Variants in CTNND2 observed in about 807,000 individuals in gnomAD.
CTNND2 encodes the protein catenin delta 2, also known as catenin delta-2.
A neutral mutation model predicts 144.4 loss-of-function variants in CTNND2; 22 were observed. The observed-to-expected ratio is 0.15, with a 90% CI of 0.11 to 0.22. The LOEUF (loss-of-function observed/expected upper bound fraction) is 0.22, where lower values mean the gene tolerates loss of function less well. Ranked by LOEUF, CTNND2 falls within the 10% of genes least tolerant of loss-of-function variation. CTNND2 has a pLI of 1.00. For missense variants in CTNND2, 1,353 were observed against 1,618.8 expected (o/e 0.84, Z 2.82); for synonymous variants, 751 against 695.6 (o/e 1.08, Z -1.25).
chr5:11,712,206 G>A (rs1017655670), intron 2 of CTNND2, among the ~76,000 whole-genome samples: 11 of 152,048 alleles, frequency 7.2e-5, no homozygotes, highest in African/African-American at 2.7e-4. Context: ...TAACTCAACA[G>A]GGAGAAAAAG....
chr5:11,518,823 G>A (rs1208945678), intron 3 of CTNND2, among the ~76,000 whole-genome samples: 1 of 152,144 alleles, frequency 6.6e-6, no homozygotes, highest in Non-Finnish European at 1.5e-5. Flanking sequence ...CTAGGTCTGT[G>A]TAGGTACACT....
chr5:11,279,189 C>T (rs1181332394), intron 9 of CTNND2, among the ~76,000 whole-genome samples: 2 of 152,098 alleles, frequency 1.3e-5, no homozygotes, highest in Admixed American at 6.5e-5. Context: ...AACACCAATC[C>T]AGAACCGTCC....
At chr5:11,584,781 T>C (rs1778710328) in intron 2 of CTNND2, among the ~76,000 whole-genome samples, 1 of 152,290 alleles carries the variant, frequency 6.6e-6, no homozygotes, top group African/African-American at 2.4e-5. Flanking sequence ...TTAACACTGA[T>C]TGGTAATTCT....
intron 3 of CTNND2, among the ~76,000 whole-genome samples, chr5:11,429,976 G>A (rs1043201614): frequency 5.3e-5 from 8 of 152,246 alleles, no homozygotes; most frequent in African/African-American, 7.2e-5. Context: ...AAGGGGCCAG[G>A]TGCAGTGGCT....
chr5:11,082,623 T>C, intron 16 of CTNND2, 73 bp downstream of exon 16: 1 of 1,553,910 alleles, frequency 6.4e-7, no homozygotes, highest in African/African-American at 1.4e-5. Flanking sequence ...TGCATACGGG[T>C]TCAACCACAC....
intron 1 of CTNND2, among the ~76,000 whole-genome samples, chr5:11,760,579 A>AATT (rs1789203306): frequency 2.6e-5 from 4 of 152,184 alleles, no homozygotes; most frequent in Admixed American, 2.0e-4. Context: ...GCAAAGGAAA[A>AATT]ATTATAAACA....
chr5:11,603,642 T>C (rs1779914808), intron 2 of CTNND2, among the ~76,000 whole-genome samples: 1 of 152,176 alleles, frequency 6.6e-6, no homozygotes, highest in African/African-American at 2.4e-5. Context: ...TTATTTTCCC[T>C]AAAAATAAAA....
intron 2 of CTNND2, among the ~76,000 whole-genome samples, chr5:11,624,729 C>T (rs1310274337): frequency 6.6e-6 from 1 of 151,976 alleles, no homozygotes; most frequent in South Asian, 2.1e-4. Flanking sequence ...TGATTCTGCT[C>T]CTGTTAAGGA....
At chr5:11,699,416 G>A (rs931309100) in intron 2 of CTNND2, among the ~76,000 whole-genome samples, 2 of 152,164 alleles carry the variant, frequency 1.3e-5, no homozygotes, top group African/African-American at 4.8e-5. Context: ...GGGAAGGATT[G>A]TGGGTGAGAG....
intron 19 of CTNND2, among the ~76,000 whole-genome samples, chr5:10,990,968 C>T (rs909126187): frequency 1.3e-5 from 2 of 152,228 alleles, no homozygotes; most frequent in Non-Finnish European, 2.9e-5. Flanking sequence ...CCAAAAGACA[C>T]CATCCATATG....
intron 16 of CTNND2, among the ~76,000 whole-genome samples, chr5:11,026,624 T>G (rs949108971): frequency 1.4e-4 from 22 of 152,318 alleles, no homozygotes; most frequent in African/African-American, 5.1e-4. Flanking sequence ...CCCAAAGTGC[T>G]GGGATTACAG....
intron 1 of CTNND2, among the ~76,000 whole-genome samples, chr5:11,772,615 T>C (rs1790008939): frequency 6.6e-6 from 1 of 152,174 alleles, no homozygotes; most frequent in African/African-American, 2.4e-5. Context: ...ATAGCAGTCC[T>C]TTCCTTTAAA....
At chr5:11,586,675 GA>G (rs1409730638) in intron 2 of CTNND2, among the ~76,000 whole-genome samples, 2 of 152,238 alleles carry the variant, frequency 1.3e-5, no homozygotes, top group African/African-American at 4.8e-5. Context: ...ATTTAACAAT[GA>G]AAATTCTTTT....
At chr5:11,574,894 A>C (rs186747371) in intron 2 of CTNND2, among the ~76,000 whole-genome samples, 38 of 152,332 alleles carry the variant, frequency 2.5e-4, no homozygotes, top group Admixed American at 1.4e-3. Context: ...CCTCAAATGG[A>C]CTTTGCATGT....
At chr5:11,522,989 AT>A (rs528131024) in intron 3 of CTNND2, among the ~76,000 whole-genome samples, 109 of 152,358 alleles carry the variant, frequency 7.2e-4, no homozygotes, top group African/African-American at 2.6e-3. Flanking sequence ...CATTTCTGAT[AT>A]CAAGTTACAG....
Position 11,839,014 on chromosome 5 carries a change from G to A in CTNND2, c.37+64803C>T, listed in dbSNP as rs184229225. 3.1e-3 allele frequency among the ~76,000 whole-genome samples: 466 copies of A among 152,216 alleles called. 1 individual carries two copies. Among genetic ancestry groups the A allele is most frequent in the Middle Eastern group, 0.017 (5 of 294 alleles). The stretch of plus-strand genomic sequence containing the variant: ...ATGATGTAATATTATATGATTTATC[G>A]AATTCAGGCTAGCATGCTTAAATAT... On this transcript the variant is annotated intron_variant, in intron 1 of 21. Coordinates refer to ENST00000304623, the MANE Select transcript of CTNND2 (RefSeq NM_001332.4).
At chr5:11,854,679 C>G (rs1258248440) in intron 1 of CTNND2, among the ~76,000 whole-genome samples, 1 of 152,146 alleles carries the variant, frequency 6.6e-6, no homozygotes, top group Admixed American at 6.5e-5. Context: ...GGTATATATT[C>G]CATCTTAACA....
intron 2 of CTNND2, among the ~76,000 whole-genome samples, chr5:11,703,396 C>T (rs1785543733): frequency 6.6e-6 from 1 of 152,072 alleles, no homozygotes; most frequent in African/African-American, 2.4e-5. Flanking sequence ...ATGCATGGTA[C>T]CTGAATTATG....
chr5:11,816,070 G>C (rs1792627287), intron 1 of CTNND2, among the ~76,000 whole-genome samples: 1 of 152,204 alleles, frequency 6.6e-6, no homozygotes. Flanking sequence ...GTGCCTGTGA[G>C]AGCCTGGCAA....
Sources: gnomAD v4.1 joint callset for allele counts (sites outside exome capture counted in the v4.1 genomes callset) on GRCh38, gnomAD v4.1.1 for gene constraint, MANE v1.5 for transcripts, NCBI Gene and HGNC (gene_info 2026-07-23, HGNC 2026-07-21) for gene names.